Variants in CADPS observed in about 807,000 individuals in gnomAD.
The protein encoded by CADPS is calcium dependent secretion activator, also known as calcium-dependent secretion activator 1.
Under a neutral mutation model 167.3 loss-of-function variants are expected in CADPS, and 57 were observed. That is an observed-to-expected ratio of 0.34 (90% CI 0.28 to 0.42). CADPS has a LOEUF of 0.42. CADPS is among the 20% of genes least tolerant of loss of function. The pLI, the probability that CADPS is intolerant of heterozygous loss-of-function variation, is 1.00. For missense variants in CADPS, 1,414 were observed against 1,738.1 expected (o/e 0.81, Z 3.32); for synonymous variants, 676 against 635.3 (o/e 1.06, Z -0.96).
intron 1 of CADPS, among the ~76,000 whole-genome samples, chr3:62,852,359 T>G (rs529311643): frequency 6.6e-6 from 1 of 152,174 alleles, no homozygotes; most frequent in Admixed American, 6.5e-5. Context: ...ATCACCCGTC[T>G]TCTGTGTCGC....
intron 28 of CADPS, among the ~76,000 whole-genome samples, chr3:62,414,756 C>G (rs1020736892): frequency 6.6e-6 from 1 of 152,214 alleles, no homozygotes; most frequent in African/African-American, 2.4e-5. Context: ...GGGAGCCCCC[C>G]ACTAGGCCCA....
At chr3:62,594,353 C>G (rs1031928249) in intron 6 of CADPS, among the ~76,000 whole-genome samples, 2 of 151,440 alleles carry the variant, frequency 1.3e-5, no homozygotes, top group Admixed American at 6.6e-5. Flanking sequence ...AGTAGAGACG[C>G]GGTTTCACCG....
intron 3 of CADPS, among the ~76,000 whole-genome samples, chr3:62,678,299 A>C (rs2076629688): frequency 6.6e-6 from 1 of 152,112 alleles, no homozygotes; most frequent in Admixed American, 6.6e-5. Context: ...CTAGAAGGCA[A>C]TCATACTATC....
At chr3:62,743,217 T>G (rs1341480388) in intron 3 of CADPS, among the ~76,000 whole-genome samples, 2 of 152,166 alleles carry the variant, frequency 1.3e-5, no homozygotes, top group Admixed American at 1.3e-4. Flanking sequence ...AAGTAAATAA[T>G]TATTGCTGTT....
chr3:62,577,695 C>T (rs900697874), intron 8 of CADPS, among the ~76,000 whole-genome samples: 1 of 152,218 alleles, frequency 6.6e-6, no homozygotes, highest in African/African-American at 2.4e-5. Flanking sequence ...TGTATTAGCT[C>T]ACTTAGTCCT....
chr3:62,870,702 G>T (rs1242161214), intron 1 of CADPS, among the ~76,000 whole-genome samples: 2 of 152,070 alleles, frequency 1.3e-5, no homozygotes, highest in African/African-American at 2.4e-5. Flanking sequence ...TAGACACAAT[G>T]CTCATTTTAA....
intron 2 of CADPS, among the ~76,000 whole-genome samples, chr3:62,760,699 C>A (rs554120812): frequency 1.3e-5 from 2 of 152,152 alleles, no homozygotes; most frequent in African/African-American, 4.8e-5. Context: ...TCTCAGGTAC[C>A]ATGGAATAGT....
chr3:62,815,914 G>A (rs1041674541), intron 1 of CADPS, among the ~76,000 whole-genome samples: 31 of 151,994 alleles, frequency 2.0e-4, no homozygotes, highest in Admixed American at 1.9e-3. Context: ...AACAGCTTGG[G>A]GATATATCTG....
chr3:62,463,194 T>A (rs756062298), intron 26 of CADPS, among the ~76,000 whole-genome samples: 1 of 152,180 alleles, frequency 6.6e-6, no homozygotes, highest in Non-Finnish European at 1.5e-5. Context: ...GACTCTCTGG[T>A]GCCCTGTTCT....
intron 28 of CADPS, among the ~76,000 whole-genome samples, chr3:62,406,137 C>T (rs1314087125): frequency 6.6e-6 from 1 of 152,208 alleles, no homozygotes; most frequent in Non-Finnish European, 1.5e-5. Flanking sequence ...CCGGTCATGA[C>T]AGCCGATCTT....
intron 1 of CADPS, among the ~76,000 whole-genome samples, chr3:62,803,136 G>C (rs1202834639): frequency 6.6e-6 from 1 of 152,124 alleles, no homozygotes; most frequent in Non-Finnish European, 1.5e-5. Flanking sequence ...GCTGAACCAT[G>C]CAACTCCACA....
intron 6 of CADPS, among the ~76,000 whole-genome samples, chr3:62,609,188 A>C (rs1401397078): frequency 6.6e-6 from 1 of 152,070 alleles, no homozygotes; most frequent in Admixed American, 6.6e-5. Flanking sequence ...AGGTTCTTAC[A>C]AATGTTAGTT....
At chr3:62,689,017 T>C (rs568059742) in intron 3 of CADPS, among the ~76,000 whole-genome samples, 10 of 152,204 alleles carry the variant, frequency 6.6e-5, no homozygotes, top group African/African-American at 2.4e-4. Flanking sequence ...AACAGTGTGA[T>C]AAATGATGTT....
chr3:62,750,994 G>A (rs1024982088), intron 3 of CADPS, among the ~76,000 whole-genome samples: 13 of 152,214 alleles, frequency 8.5e-5, no homozygotes, highest in East Asian at 1.9e-4. Context: ...ACACTTCTGC[G>A]TATCTACTTG....
chr3:62,644,851 C>T (rs1175598093), intron 6 of CADPS, among the ~76,000 whole-genome samples: 1 of 152,210 alleles, frequency 6.6e-6, no homozygotes, highest in Non-Finnish European at 1.5e-5. Context: ...CCACTATCTC[C>T]TCTCAAAGCA....
At chr3:62,790,938 G>A (rs1022696930) in intron 1 of CADPS, among the ~76,000 whole-genome samples, 1 of 150,316 alleles carries the variant, frequency 6.7e-6, no homozygotes, top group Non-Finnish European at 1.5e-5. Context: ...TGATAATTCT[G>A]TGTTATTTTA....
At position 62,610,157 on chromosome 3, in the gene CADPS, G is replaced by A. The variant is rs141469290; in HGVS notation, c.1326-17409C>T. Among the ~76,000 whole-genome samples, 349 of 151,838 alleles carry A rather than the reference G, an allele frequency of 2.3e-3. 1 individual carries two copies. Among genetic ancestry groups the A allele is most frequent in the African/African-American group, 8.0e-3 (331 of 41,478 alleles). ...CAAACAAAAACAAAAAACCCCAAGT[G>A]GTTGAATTTGGAGCCTTTTCTTTTT... is the stretch of plus-strand genomic sequence containing the variant. On this transcript the variant is annotated intron_variant, in intron 6 of 29. Coordinates refer to ENST00000383710, the MANE Select transcript of CADPS (RefSeq NM_003716.4).
chr3:62,701,280 T>C (rs1051461826), intron 3 of CADPS, among the ~76,000 whole-genome samples: 4 of 152,112 alleles, frequency 2.6e-5, no homozygotes, highest in Non-Finnish European at 4.4e-5. Flanking sequence ...GAACCATCAT[T>C]ACTGCTGATG....
intron 6 of CADPS, among the ~76,000 whole-genome samples, chr3:62,640,268 T>C (rs1383891694): frequency 6.6e-6 from 1 of 152,128 alleles, no homozygotes; most frequent in Non-Finnish European, 1.5e-5. Context: ...TTTGCTTAAA[T>C]TGAAAAAGGA....
Sources: gnomAD v4.1 joint callset for allele counts (sites outside exome capture counted in the v4.1 genomes callset) on GRCh38, gnomAD v4.1.1 for gene constraint, MANE v1.5 for transcripts, NCBI Gene and HGNC (gene_info 2026-07-23, HGNC 2026-07-21) for gene names.